The following CSMD1 variants were observed in gnomAD, a reference collection of about 807,000 sequenced individuals.
CSMD1 encodes CUB and sushi domain-containing protein 1.
CSMD1 carries 213 observed loss-of-function variants against 417.5 expected under a neutral mutation model. The ratio of observed to expected loss-of-function variants is 0.51; its 90% CI spans 0.46 to 0.57. The LOEUF is 0.57. Ranked by LOEUF, CSMD1 falls within the 20% of genes least tolerant of loss-of-function variation. The probability of loss-of-function intolerance (pLI) is 0.00; values close to 1 mark genes in which losing one functional copy is unlikely to be tolerated. For missense variants in CSMD1, 6,923 were observed against 4,529.7 expected (o/e 1.53, Z -15.17); for synonymous variants, 2,862 against 1,736.8 (o/e 1.65, Z -16.11).
intron 1 of CSMD1, among the ~76,000 whole-genome samples, chr8:4,919,039 G>A (rs1273733142): frequency 6.6e-6 from 1 of 152,198 alleles, no homozygotes; most frequent in African/African-American, 2.4e-5. Flanking sequence ...AGGGACGAAT[G>A]TAACAGAGCC....
At chr8:4,267,524 G>T (rs1182028937) in intron 3 of CSMD1, among the ~76,000 whole-genome samples, 1 of 151,652 alleles carries the variant, frequency 6.6e-6, no homozygotes, top group African/African-American at 2.4e-5. Context: ...ATTGATCCCA[G>T]CTACACTGCA....
intron 10 of CSMD1, among the ~76,000 whole-genome samples, chr8:3,563,500 C>G (rs1213964900): frequency 2.7e-5 from 4 of 147,308 alleles, no homozygotes; most frequent in Admixed American, 1.4e-4. Context: ...TAACTGAGCT[C>G]CAAAGAAAAT....
intron 1 of CSMD1, among the ~76,000 whole-genome samples, chr8:4,706,925 A>G (rs1563184426): frequency 1.3e-5 from 2 of 152,196 alleles, no homozygotes; most frequent in Non-Finnish European, 2.9e-5. Context: ...TCATGAAACT[A>G]TGAGTAATTT....
intron 3 of CSMD1, among the ~76,000 whole-genome samples, chr8:4,387,534 T>C (rs1803532425): frequency 1.1e-5 from 1 of 88,372 alleles, no homozygotes; most frequent in African/African-American, 3.9e-5. Context: ...GCTTATCTTT[T>C]ACAACACGCA....
chr8:3,035,273 C>G (rs1810597953), intron 50 of CSMD1, among the ~76,000 whole-genome samples: 1 of 152,164 alleles, frequency 6.6e-6, no homozygotes, highest in Non-Finnish European at 1.5e-5. Context: ...GTTTAAAAAG[C>G]TCTTTTCACA....
At chr8:3,804,803 T>C (rs1166994586) in intron 5 of CSMD1, among the ~76,000 whole-genome samples, 2 of 152,226 alleles carry the variant, frequency 1.3e-5, no homozygotes, top group Non-Finnish European at 1.5e-5. Context: ...AATCTAATTA[T>C]TCATATCTAA....
chr8:4,457,053 A>G (rs967400779), intron 2 of CSMD1, among the ~76,000 whole-genome samples: 1 of 151,966 alleles, frequency 6.6e-6, no homozygotes, highest in Non-Finnish European at 1.5e-5. Flanking sequence ...ATCTCAGAGA[A>G]TTAAGCCCCA....
intron 3 of CSMD1, among the ~76,000 whole-genome samples, chr8:4,039,218 T>C (rs1343395134): frequency 1.3e-5 from 2 of 152,148 alleles, no homozygotes; most frequent in Non-Finnish European, 2.9e-5. Context: ...TTCTCTCCAT[T>C]TCTCTACACT....
Position 4,316,161 on chromosome 8 carries a change from C to A in CSMD1, c.415+103792G>T, listed in dbSNP as rs151114456. ...CTTCAACAATCCAAATACTCCCTTTCAATTATGTAGATTAGCTAAATTTCA... is the reference window on the plus strand; with the variant it reads ...CTTCAACAATCCAAATACTCCCTTTAAATTATGTAGATTAGCTAAATTTCA... On this transcript the variant is annotated intron_variant, in intron 3 of 69. Coordinates refer to ENST00000635120, the MANE Select transcript of CSMD1 (RefSeq NM_033225.6). Among the ~76,000 whole-genome samples the A allele has an allele frequency of 9.2e-5, 14 of 152,230 alleles. No individual in the cohort carries two copies. In the East Asian group the frequency reaches 2.3e-3, roughly 25 times the overall value.
intron 3 of CSMD1, among the ~76,000 whole-genome samples, chr8:4,037,837 T>C (rs1422557845): frequency 1.3e-5 from 2 of 152,016 alleles, no homozygotes; most frequent in African/African-American, 2.4e-5. Flanking sequence ...TAAATATTAA[T>C]ATATTATAAA....
chr8:4,196,963 T>G (rs1799373837), intron 3 of CSMD1, among the ~76,000 whole-genome samples: 1 of 152,242 alleles, frequency 6.6e-6, no homozygotes, highest in South Asian at 2.1e-4. Flanking sequence ...TTTTAGTCAT[T>G]TGAGCCTCAC....
At chr8:4,829,682 G>T (rs1348566487) in intron 1 of CSMD1, among the ~76,000 whole-genome samples, 2 of 149,070 alleles carry the variant, frequency 1.3e-5, no homozygotes, top group African/African-American at 5.0e-5. Flanking sequence ...GGGAGCTTCA[G>T]TGACATCTTT....
Position 2,938,691 on chromosome 8 carries a change from C to T in CSMD1, c.10589G>A (p.Gly3530Glu), listed in dbSNP as rs1249834201. ...NGYAGHENSN[G>E]QASFENPMYD... ...CATGGGGTTTTCAAACGATGCTTGT[C>T]CATTGCTGTTTTCATGCCCAGCATA... The change falls in exon 70 of 70, where the codon GGA becomes GAA. Residue 3530 changes from glycine (G) to glutamate (E), a missense_variant. Physicochemically the swap from Gly to Glu is moderately conservative, Grantham distance 98 (BLOSUM62 -2). Transcript: ENST00000635120. The T allele has an allele frequency of 6.2e-7, 1 of 1,611,806 alleles. No homozygotes were observed.
intron 7 of CSMD1, among the ~76,000 whole-genome samples, chr8:3,658,257 G>C (rs893602014): frequency 1.3e-5 from 2 of 152,144 alleles, no homozygotes; most frequent in Non-Finnish European, 2.9e-5. Context: ...GCATGGGAGT[G>C]AAATGTATTT....
chr8:3,925,514 C>A (rs1226500395), intron 5 of CSMD1, among the ~76,000 whole-genome samples: 2 of 152,112 alleles, frequency 1.3e-5, no homozygotes, highest in Non-Finnish European at 2.9e-5. Context: ...TTGGCTGGGT[C>A]CCCACTCAAA....
At chr8:4,297,441 G>A (rs144620999) in intron 3 of CSMD1, among the ~76,000 whole-genome samples, 2 of 152,276 alleles carry the variant, frequency 1.3e-5, no homozygotes, top group African/African-American at 4.8e-5. Flanking sequence ...AGGAAAAACA[G>A]ACATCAGTTG....
chr8:4,351,790 T>C (rs1021643115), intron 3 of CSMD1, among the ~76,000 whole-genome samples: 5 of 152,026 alleles, frequency 3.3e-5, no homozygotes, highest in South Asian at 2.1e-4. Flanking sequence ...TTTTGTGCAC[T>C]TGGAATCCAG....
intron 3 of CSMD1, among the ~76,000 whole-genome samples, chr8:4,225,692 C>T (rs1230541179): frequency 6.6e-6 from 1 of 152,092 alleles, no homozygotes. Flanking sequence ...AACTGTCTCA[C>T]CAGGCAAGGA....
At chr8:3,328,334 G>T (rs999743376) in intron 23 of CSMD1, among the ~76,000 whole-genome samples, 2 of 152,060 alleles carry the variant, frequency 1.3e-5, no homozygotes, top group Non-Finnish European at 2.9e-5. Context: ...GCTGCTTAAG[G>T]CACCTCTGCT....
Sources: allele counts gnomAD v4.1 joint callset (sites outside exome capture counted in the v4.1 genomes callset), GRCh38; gene constraint gnomAD v4.1.1; transcripts MANE v1.5; gene names NCBI Gene and HGNC (gene_info 2026-07-23, HGNC 2026-07-21).